RYR3: variants seen among roughly 807,000 people sequenced by gnomAD.
RYR3 encodes brain ryanodine receptor-calcium release channel.
Under a neutral mutation model 584.3 loss-of-function variants are expected in RYR3, and 207 were observed. The ratio of observed to expected loss-of-function variants is 0.35; its 90% confidence interval spans 0.32 to 0.40. RYR3 has a LOEUF of 0.40. Ranked by LOEUF, RYR3 falls within the 10% of genes least tolerant of loss-of-function variation. RYR3 has a pLI of 1.00. For synonymous variants in RYR3, 2,416 were observed against 2,248.5 expected (o/e 1.07, Z -2.11); for missense variants, 5,616 against 6,089.2 (o/e 0.92, Z 2.59).
intron 12 of RYR3, 30 bp from the exon 13 acceptor site, chr15:33,579,946 C>T (rs777417997): frequency 1.8e-5 from 29 of 1,586,700 alleles, no homozygotes; most frequent in Non-Finnish European, 2.4e-5. Context: ...CTGGCCAGTG[C>T]CTAAACCATG....
chr15:33,857,627 C>T (rs1472710427), intron 98 of RYR3, among the ~76,000 whole-genome samples, 153 bp from the exon 99 acceptor site: 3 of 152,110 alleles, frequency 2.0e-5, no homozygotes, highest in Non-Finnish European at 4.4e-5. Context: ...CTGCTCATGG[C>T]CTGATAGCTT....
chr15:33,616,579 C>A (rs1040809605), intron 19 of RYR3, among the ~76,000 whole-genome samples: 1 of 152,186 alleles, frequency 6.6e-6, no homozygotes, highest in African/African-American at 2.4e-5. Context: ...TTAGGAGGCA[C>A]AACTGCTGAG....
intron 30 of RYR3, among the ~76,000 whole-genome samples, chr15:33,648,447 T>C (rs1022012448): frequency 2.6e-5 from 4 of 152,204 alleles, no homozygotes; most frequent in Non-Finnish European, 4.4e-5. Context: ...TGTTGTAATA[T>C]AGTGATAACC....
chr15:33,512,985 G>A (rs1310028144), intron 3 of RYR3, among the ~76,000 whole-genome samples: 1 of 152,040 alleles, frequency 6.6e-6, no homozygotes, highest in African/African-American at 2.4e-5. Flanking sequence ...GAGTAGAGAT[G>A]GGTTGTAAAA....
chr15:33,468,923 T>C (rs1567305990), intron 1 of RYR3, among the ~76,000 whole-genome samples: 1 of 152,162 alleles, frequency 6.6e-6, no homozygotes, highest in Non-Finnish European at 1.5e-5. Context: ...GCAAGTTACG[T>C]AACTGCTCTA....
chr15:33,773,652 T>C (rs1427795536), intron 64 of RYR3, 37 bp downstream of exon 64: 1 of 1,350,094 alleles, frequency 7.4e-7, no homozygotes. Context: ...CTTTCAGGCA[T>C]AGTAAAATGT....
intron 2 of RYR3, among the ~76,000 whole-genome samples, chr15:33,486,305 G>A (rs1567345074): frequency 6.6e-6 from 1 of 152,166 alleles, no homozygotes; most frequent in Non-Finnish European, 1.5e-5. Flanking sequence ...ATACTTCCTT[G>A]CCCATTCCAT....
chr15:33,555,766 A>G (rs2057026889), intron 10 of RYR3, among the ~76,000 whole-genome samples: 1 of 152,222 alleles, frequency 6.6e-6, no homozygotes, highest in African/African-American at 2.4e-5. Context: ...TACGGAGAAA[A>G]GAGCCCAGTA....
rs138413667 is a variant in RYR3 at position 33,839,137 on chromosome 15, C to G, written c.12978+179C>G. ...TCTGACATGTCTGCAGAAATCAAGACTTAGATGGTTATCTCAGTGCCTAGT... is the reference window on the plus strand; with the variant it reads ...TCTGACATGTCTGCAGAAATCAAGAGTTAGATGGTTATCTCAGTGCCTAGT... On this transcript the variant is annotated intron_variant, in intron 89 of 103. Transcript: ENST00000634891. 1.1e-4 allele frequency among the ~76,000 whole-genome samples: 16 copies of G among 152,278 alleles called. No individual in the cohort carries two copies. The East Asian group carries it at 1.9e-3, about 18-fold the overall frequency.
intron 86 of RYR3, among the ~76,000 whole-genome samples, chr15:33,833,355 T>C (rs2077820683): frequency 6.6e-6 from 1 of 152,164 alleles, no homozygotes; most frequent in South Asian, 2.1e-4. Flanking sequence ...AATATTAAAT[T>C]CTCATCAAAT....
chr15:33,457,929 G>A (rs1410170623), intron 1 of RYR3, among the ~76,000 whole-genome samples: 1 of 152,160 alleles, frequency 6.6e-6, no homozygotes, highest in Admixed American at 6.5e-5. Flanking sequence ...TCATGGAGCG[G>A]TTTGGGAGTG....
intron 36 of RYR3, among the ~76,000 whole-genome samples, chr15:33,668,569 TAAGCATA>T (rs2063628105): frequency 6.6e-6 from 1 of 152,198 alleles, no homozygotes; most frequent in Non-Finnish European, 1.5e-5. Flanking sequence ...CCTCACCAAT[TAAGCATA>T]AATTAAAGCA....
At chr15:33,748,883 G>C (rs570648190) in intron 55 of RYR3, among the ~76,000 whole-genome samples, 2 of 152,162 alleles carry the variant, frequency 1.3e-5, no homozygotes, top group South Asian at 4.1e-4. Flanking sequence ...AAATGGCATA[G>C]TTTTACCTAT....
intron 1 of RYR3, among the ~76,000 whole-genome samples, chr15:33,404,637 A>G (rs1297388564): frequency 6.6e-6 from 1 of 150,578 alleles, no homozygotes; most frequent in African/African-American, 2.5e-5. Flanking sequence ...GGCTTCAGTC[A>G]CTTTTCAAAG....
At chr15:33,722,956 G>T (rs561294104) in intron 44 of RYR3, 61 bp downstream of exon 44, 21 of 1,392,534 alleles carry the variant, frequency 1.5e-5, no homozygotes, top group Middle Eastern at 3.7e-4. Flanking sequence ...GATATTATTG[G>T]TATACGGATG....
intron 57 of RYR3, among the ~76,000 whole-genome samples, chr15:33,752,832 G>A (rs186190352): frequency 1.4e-3 from 218 of 150,490 alleles, no homozygotes; most frequent in Non-Finnish European, 2.5e-3. Flanking sequence ...AATGCTTCCC[G>A]TTTCTGCCCA....
chr15:33,553,226 G>A (rs1309721732), intron 10 of RYR3, among the ~76,000 whole-genome samples: 3 of 152,316 alleles, frequency 2.0e-5, no homozygotes, highest in Middle Eastern at 6.8e-3. Flanking sequence ...CTTGGGAAGA[G>A]CACTGCTGGG....
At chr15:33,740,484 C>T (rs72713292) in intron 51 of RYR3, among the ~76,000 whole-genome samples, 2,352 of 152,224 alleles carry the variant, frequency 0.015, 27 homozygotes, top group Middle Eastern at 0.048. Context: ...TTTGCCATGC[C>T]GAGGGATGCT....
At chr15:33,435,356 A>G (rs553628975) in intron 1 of RYR3, among the ~76,000 whole-genome samples, 3 of 152,064 alleles carry the variant, frequency 2.0e-5, no homozygotes, top group Non-Finnish European at 4.4e-5. Flanking sequence ...ACGTATAGTG[A>G]TATATATGGT....
Sources: allele counts gnomAD v4.1 joint callset (sites outside exome capture counted in the v4.1 genomes callset), GRCh38; gene constraint gnomAD v4.1.1; transcripts MANE v1.5; gene names NCBI Gene and HGNC (gene_info 2026-07-23, HGNC 2026-07-21).